Variants in LOC128125817 observed in about 807,000 individuals in gnomAD.
chr1:41,588,271 A>T, the LOC128125817 span, among the ~76,000 whole-genome samples: 30 of 152,196 alleles, frequency 2.0e-4, no homozygotes, highest in African/African-American at 7.2e-4. Flanking sequence ...ATTCTTATTG[A>T]TCCTTTCATG....
chr1:41,585,475 G>C, the LOC128125817 span, among the ~76,000 whole-genome samples: 1 of 152,172 alleles, frequency 6.6e-6, no homozygotes, highest in Middle Eastern at 3.4e-3. Flanking sequence ...AGAACCACAG[G>C]CTCCGGCTCC....
the LOC128125817 span, among the ~76,000 whole-genome samples, chr1:41,587,845 C>T: frequency 1.3e-5 from 2 of 152,220 alleles, no homozygotes; most frequent in Non-Finnish European, 2.9e-5. Context: ...TCTGTGGCTT[C>T]TGTGGCATGA....
At chr1:41,589,888 T>C in the LOC128125817 span, among the ~76,000 whole-genome samples, 1 of 152,222 alleles carries the variant, frequency 6.6e-6, no homozygotes. Flanking sequence ...TAAAACATAC[T>C]GATGTCAAAA....
At chr1:41,620,038 A>G in the LOC128125817 span, among the ~76,000 whole-genome samples, 4 of 152,184 alleles carry the variant, frequency 2.6e-5, no homozygotes, top group Admixed American at 2.6e-4. Flanking sequence ...GTTCCTTTGA[A>G]TATCTGTTGA....
At chr1:41,598,476 G>A in the LOC128125817 span, among the ~76,000 whole-genome samples, 1 of 152,230 alleles carries the variant, frequency 6.6e-6, no homozygotes, top group Non-Finnish European at 1.5e-5. Flanking sequence ...GTGACATACA[G>A]AGTGTAGTCC....
chr1:41,591,392 C>T, the LOC128125817 span, among the ~76,000 whole-genome samples: 1 of 152,072 alleles, frequency 6.6e-6, no homozygotes, highest in Non-Finnish European at 1.5e-5. Context: ...AGAGCCTTGG[C>T]CTGCATGCTG....
chr1:41,587,641 C>T, the LOC128125817 span, among the ~76,000 whole-genome samples: 3 of 152,220 alleles, frequency 2.0e-5, no homozygotes, highest in South Asian at 4.1e-4. Flanking sequence ...ACTAAAGTTA[C>T]ACCGTGATCT....
chr1:41,585,839 G>T, the LOC128125817 span, among the ~76,000 whole-genome samples: 1 of 152,174 alleles, frequency 6.6e-6, no homozygotes, highest in Non-Finnish European at 1.5e-5. Context: ...GGAGGGAAGT[G>T]CCTGTGGTTT....
the LOC128125817 span, among the ~76,000 whole-genome samples, chr1:41,590,340 C>T: frequency 0.033 from 5,084 of 152,332 alleles, 313 homozygotes; most frequent in African/African-American, 0.12. Context: ...GGCCCCCAAG[C>T]TGGGTCTATG....
chr1:41,593,542 C>T, the LOC128125817 span, among the ~76,000 whole-genome samples: 2 of 152,164 alleles, frequency 1.3e-5, no homozygotes, highest in African/African-American at 4.8e-5. Flanking sequence ...AGGGAGAATA[C>T]TTGATTAAAG....
the LOC128125817 span, among the ~76,000 whole-genome samples, chr1:41,607,476 G>C: frequency 6.6e-6 from 1 of 152,040 alleles, no homozygotes; most frequent in Non-Finnish European, 1.5e-5. Context: ...GATATTATAG[G>C]TTATTTCACT....
the LOC128125817 span, among the ~76,000 whole-genome samples, chr1:41,598,388 A>C: frequency 6.6e-6 from 1 of 152,242 alleles, no homozygotes; most frequent in Non-Finnish European, 1.5e-5. Flanking sequence ...ATGGAGAGCA[A>C]TACATAGAAT....
At chr1:41,603,185 G>T in the LOC128125817 span, among the ~76,000 whole-genome samples, 2 of 152,048 alleles carry the variant, frequency 1.3e-5, no homozygotes, top group Non-Finnish European at 2.9e-5. Flanking sequence ...TCCTGCCCCA[G>T]CCTCCTGAAT....
At chr1:41,612,135 T>C in the LOC128125817 span, among the ~76,000 whole-genome samples, 2 of 147,382 alleles carry the variant, frequency 1.4e-5, no homozygotes, top group Non-Finnish European at 3.0e-5. Context: ...TTCTGCCTCC[T>C]GCCAGGGTTC....
At chr1:41,603,253 C>G in the LOC128125817 span, among the ~76,000 whole-genome samples, 3 of 151,754 alleles carry the variant, frequency 2.0e-5, no homozygotes, top group African/African-American at 7.3e-5. Context: ...TCTTTAGTAG[C>G]GATGTGGTTT....
At chr1:41,592,262 AG>A in the LOC128125817 span, among the ~76,000 whole-genome samples, 1 of 152,224 alleles carries the variant, frequency 6.6e-6, no homozygotes, top group Non-Finnish European at 1.5e-5. Context: ...TGGAACACAC[AG>A]GTCTACTGTG....
At chr1:41,603,322 C>T in the LOC128125817 span, among the ~76,000 whole-genome samples, 1 of 152,002 alleles carries the variant, frequency 6.6e-6, no homozygotes, top group Admixed American at 6.6e-5. Context: ...CCCACCTCGG[C>T]CTCCCAAAGC....
chr1:41,621,654 G>T, the LOC128125817 span, among the ~76,000 whole-genome samples: 1 of 152,216 alleles, frequency 6.6e-6, no homozygotes, highest in Non-Finnish European at 1.5e-5. Flanking sequence ...TAGGACTACA[G>T]GAGTATGACC....
the LOC128125817 span, among the ~76,000 whole-genome samples, chr1:41,604,003 C>T: frequency 6.6e-6 from 1 of 152,212 alleles, no homozygotes; most frequent in African/African-American, 2.4e-5. Flanking sequence ...TTCACCATAA[C>T]AGCTAACATG....
Sources: gnomAD v4.1 joint callset for allele counts (sites outside exome capture counted in the v4.1 genomes callset) on GRCh38, gnomAD v4.1.1 for gene constraint, MANE v1.5 for transcripts.